Variants in GRHL2 observed in about 807,000 individuals in gnomAD.
GRHL2 encodes the protein grainyhead like transcription factor 2.
GRHL2 carries 21 observed loss-of-function variants against 83.8 expected under a neutral mutation model. The observed-to-expected ratio is 0.25, with a 90% confidence interval of 0.18 to 0.36. The LOEUF (loss-of-function observed/expected upper bound fraction) is 0.36. Among genes scored for constraint, GRHL2 ranks in the 10% least tolerant of loss-of-function variants. The pLI, the probability that GRHL2 is intolerant of heterozygous loss-of-function variation, is 1.00. For missense variants in GRHL2, 623 were observed against 781.8 expected, an observed-to-expected ratio of 0.80 and a Z score of 2.42; for synonymous variants, 280 against 278.9, an observed-to-expected ratio of 1.00 and a Z score of -0.04.
At chr8:101,678,808 G>A in the GRHL2 span, among the ~76,000 whole-genome samples, 1 of 151,902 alleles carries the variant, frequency 6.6e-6, no homozygotes, top group Non-Finnish European at 1.5e-5. Context: ...CCCCCCAGCA[G>A]GGGCACACTG....
At chr8:101,619,411 A>G in intron 8 of GRHL2, 128 bp from the exon 9 acceptor site, 1 of 744,670 alleles carries the variant, frequency 1.3e-6, no homozygotes, top group Admixed American at 2.1e-5. Flanking sequence ...TGTGAAAAGA[A>G]TATCAAAATA....
rs544419151 is a variant in GRHL2, at chr8:101,606,126, C to T, written c.1098+6975C>T. On this transcript the variant is annotated intron_variant, in intron 8 of 15. Coordinates refer to ENST00000646743, the MANE Select transcript of GRHL2 (RefSeq NM_024915.4). ...TTGCAGGAGGCATACAGTGACCCTC[C>T]GCTCTACATGTGCAACTTAAGAAAT... Among the ~76,000 whole-genome samples the T allele has an allele frequency of 5.3e-5, 8 of 152,292 alleles. No homozygotes were observed. In the South Asian group the frequency reaches 6.2e-4, roughly 12 times the overall value.
At chr8:101,613,802 T>C (rs2130355460) in intron 8 of GRHL2, among the ~76,000 whole-genome samples, 1 of 151,236 alleles carries the variant, frequency 6.6e-6, no homozygotes, top group South Asian at 2.1e-4. Flanking sequence ...ATGTATACCT[T>C]GTACCTGTAA....
At chr8:101,644,800 T>G (rs115183142) in intron 13 of GRHL2, among the ~76,000 whole-genome samples, 1,891 of 151,978 alleles carry the variant, frequency 0.012, 43 homozygotes, top group African/African-American at 0.043. Flanking sequence ...AGTATCCTGC[T>G]GCAGCCAACA....
intron 7 of GRHL2, among the ~76,000 whole-genome samples, chr8:101,583,273 A>G (rs1484184431): frequency 2.0e-5 from 3 of 152,198 alleles, no homozygotes; most frequent in Non-Finnish European, 2.9e-5. Context: ...TGGCAATGGA[A>G]AACCAGCAAT....
At chr8:101,606,802 G>A (rs558951400) in intron 8 of GRHL2, among the ~76,000 whole-genome samples, 11 of 152,290 alleles carry the variant, frequency 7.2e-5, no homozygotes, top group East Asian at 3.9e-4. Flanking sequence ...AGGTGAGCAA[G>A]CCAAGCCTAG....
intron 2 of GRHL2, among the ~76,000 whole-genome samples, chr8:101,546,811 A>G (rs1000321391): frequency 1.3e-5 from 2 of 152,234 alleles, no homozygotes; most frequent in African/African-American, 4.8e-5. Flanking sequence ...ACTAGTAAAT[A>G]TGGTACCCAG....
intron 1 of GRHL2, among the ~76,000 whole-genome samples, chr8:101,512,900 G>T (rs1271083245): frequency 6.6e-6 from 1 of 152,164 alleles, no homozygotes; most frequent in Non-Finnish European, 1.5e-5. Flanking sequence ...TGAGATCCGG[G>T]TGCCAGCACA....
chr8:101,511,998 A>G (rs1810476253), intron 1 of GRHL2, among the ~76,000 whole-genome samples: 1 of 152,148 alleles, frequency 6.6e-6, no homozygotes, highest in African/African-American at 2.4e-5. Context: ...TCCTTTGTGT[A>G]TTTAAGACTA....
At chr8:101,652,445 G>GTGGTGTGTGTGTGGTGTGTGTC (rs1813669046) in intron 14 of GRHL2, among the ~76,000 whole-genome samples, 1 of 94,924 alleles carries the variant, frequency 1.1e-5, no homozygotes, top group Non-Finnish European at 2.1e-5. Flanking sequence ...TCTGGTGTGT[G>GTGGTGTGTGTGTGGTGTGTGTC]TGGTGTGTGT....
chr8:101,639,148 G>A (rs1813347352), intron 12 of GRHL2, among the ~76,000 whole-genome samples: 1 of 152,178 alleles, frequency 6.6e-6, no homozygotes, highest in African/African-American at 2.4e-5. Flanking sequence ...ACTGCAGTTA[G>A]ATGGCCATCG....
At chr8:101,541,334 A>G (rs1478096961) in intron 1 of GRHL2, among the ~76,000 whole-genome samples, 2 of 152,128 alleles carry the variant, frequency 1.3e-5, no homozygotes, top group Non-Finnish European at 2.9e-5. Context: ...TTGGGTAAAT[A>G]CCTAGCGATG....
At position 101,649,482 on chromosome 8, in the gene GRHL2, A is replaced by G. The variant is rs771944946; in HGVS notation, c.1681A>G (p.Lys561Glu). 6.2e-7 allele frequency: 1 copy of G among 1,613,676 alleles called. No individual in the cohort carries two copies. Among genetic ancestry groups the G allele is most frequent in the South Asian group, 1.1e-5 (1 of 91,030 alleles). ...DALMLKSPTV[K>E]GLMEAISEKY... The stretch of plus-strand genomic sequence containing the variant: ...ATTGATGTTGAAGTCTCCCACAGTG[A>G]AGGGCCTGATGGAAGCGGTAAGCCA... Residue 561 changes from lysine to glutamate, a missense_variant, in exon 14 of 16, where the codon AAG becomes GAG. Transcript: ENST00000646743.
chr8:101,551,992 C>T (rs549098953), intron 2 of GRHL2, among the ~76,000 whole-genome samples: 5 of 151,820 alleles, frequency 3.3e-5, no homozygotes, highest in African/African-American at 1.2e-4. Flanking sequence ...CCTGCCACCA[C>T]GCCCAGCTAA....
At chr8:101,519,069 T>C (rs1810629444) in intron 1 of GRHL2, among the ~76,000 whole-genome samples, 1 of 151,994 alleles carries the variant, frequency 6.6e-6, no homozygotes, top group African/African-American at 2.4e-5. Flanking sequence ...TTTGTTAGGT[T>C]TTATGGGAGA....
chr8:101,501,606 C>T (rs889345777), intron 1 of GRHL2, among the ~76,000 whole-genome samples: 8 of 151,840 alleles, frequency 5.3e-5, no homozygotes, highest in Non-Finnish European at 7.4e-5. Context: ...GGGCTGCTGC[C>T]GGGGCCTAGG....
At chr8:101,515,156 TTCTC>T (rs1203857216) in intron 1 of GRHL2, among the ~76,000 whole-genome samples, 2 of 103,554 alleles carry the variant, frequency 1.9e-5, no homozygotes, top group African/African-American at 3.9e-5. Flanking sequence ...CCCTCTCTCT[TTCTC>T]TCTCTCTGTC....
intron 2 of GRHL2, among the ~76,000 whole-genome samples, chr8:101,549,457 G>A (rs1389109270): frequency 6.6e-6 from 1 of 152,186 alleles, no homozygotes; most frequent in Admixed American, 6.5e-5. Context: ...CCAGTTAGCT[G>A]ATTCAGCAGC....
At chr8:101,495,928 C>A (rs1220111629) in intron 1 of GRHL2, among the ~76,000 whole-genome samples, 1 of 152,146 alleles carries the variant, frequency 6.6e-6, no homozygotes, top group African/African-American at 2.4e-5. Flanking sequence ...GCAGGTGGAT[C>A]ACGAGGTCAG....
Sources: gnomAD v4.1 joint callset for allele counts (sites outside exome capture counted in the v4.1 genomes callset) on GRCh38, gnomAD v4.1.1 for gene constraint, MANE v1.5 for transcripts, NCBI Gene and HGNC (gene_info 2026-07-23, HGNC 2026-07-21) for gene names.